HSPA14: variants seen among roughly 807,000 people sequenced by gnomAD.
The protein encoded by HSPA14 is heat shock protein family A (Hsp70) member 14.
A neutral mutation model predicts 65.5 loss-of-function variants in HSPA14; 37 were observed. The observed-to-expected ratio is 0.56, with a 90% CI of 0.43 to 0.74. The LOEUF (loss-of-function observed/expected upper bound fraction) is 0.74. Ranked by LOEUF, HSPA14 falls within the 30% of genes least tolerant of loss-of-function variation. HSPA14 has a pLI of 0.00. For synonymous variants in HSPA14, 203 were observed against 214.2 expected (o/e 0.95, Z 0.46); for missense variants, 564 against 607.6 (o/e 0.93, Z 0.75).
At position 14,842,899 on chromosome 10, in the gene HSPA14, C is replaced by T. The variant is rs1031701279; in HGVS notation, c.221+2742C>T. On this transcript the variant is annotated intron_variant, in intron 3 of 13. Transcript: ENST00000378372. This position sits in a 1 kb window ranked among gnomAD's most constrained non-coding sequence, Gnocchi z 5.2. ...GGTCCCAGAGTCTTGTGGCTCTAAACATTTAGCTGTGTCTGTTTGGATAGT... is the reference window on the plus strand; with the variant it reads ...GGTCCCAGAGTCTTGTGGCTCTAAATATTTAGCTGTGTCTGTTTGGATAGT... 3 of 1,245,664 alleles carry T rather than the reference C, an allele frequency of 2.4e-6. No individual in the cohort carries two copies. The highest frequency in any genetic ancestry group is 2.5e-5 in the Admixed American group (1 of 40,498). 77.2% of individuals were successfully genotyped at this position (1,245,664 alleles called of 1,614,324 possible). A position where few individuals can be genotyped will look rare whatever the true frequency, so the allele number is the denominator to read the frequency against.
At chr10:14,849,331 C>T (rs915009127) in intron 5 of HSPA14, 3 of 459,902 alleles carry the variant, frequency 6.5e-6, no homozygotes, top group African/African-American at 6.0e-5. Context: ...TATAAGGCTT[C>T]CTTCAGCCCT....
intron 6 of HSPA14, among the ~76,000 whole-genome samples, chr10:14,850,159 C>G (rs1389460833): frequency 6.6e-6 from 1 of 151,708 alleles, no homozygotes; most frequent in South Asian, 2.1e-4. Context: ...ATAATCTCAG[C>G]TATTCGGGAG....
chr10:14,865,619 A>G (rs1344035227), intron 10 of HSPA14, among the ~76,000 whole-genome samples: 1 of 152,196 alleles, frequency 6.6e-6, no homozygotes, highest in African/African-American at 2.4e-5. Context: ...GGTTTGTCAA[A>G]GATCAGATAG....
intron 6 of HSPA14, chr10:14,850,922 C>CT (rs1040958456): frequency 2.9e-3 from 559 of 194,970 alleles, no homozygotes; most frequent in Middle Eastern, 9.5e-3. Flanking sequence ...ATCTTTTGAA[C>CT]TTTTTTTTTT....
At chr10:14,846,212 A>G (rs1588808943) in intron 3 of HSPA14, 1 of 985,264 alleles carries the variant, frequency 1.0e-6, no homozygotes, top group Non-Finnish European at 1.2e-6. Context: ...ATGGAAAGAT[A>G]TGTGTCAATT....
chr10:14,871,423 T>G (rs1325564074), intron 13 of HSPA14, 105 bp from the exon 14 acceptor site: 1 of 677,542 alleles, frequency 1.5e-6, no homozygotes, highest in Non-Finnish European at 2.6e-6. Context: ...TTTTGAAAAT[T>G]AAAATTAACC....
At chr10:14,867,714 C>T (rs1266304529) in intron 11 of HSPA14, 22 bp from the exon 12 acceptor site, 12 of 1,600,558 alleles carry the variant, frequency 7.5e-6, no homozygotes, top group Middle Eastern at 1.7e-4. Flanking sequence ...AAAGAGTATG[C>T]ACCTTGTTTC....
intron 10 of HSPA14, among the ~76,000 whole-genome samples, chr10:14,866,451 G>C (rs1434771677): frequency 1.3e-5 from 2 of 152,138 alleles, no homozygotes; most frequent in African/African-American, 2.4e-5. Context: ...TCAATATTCT[G>C]AATGCCCATG....
At chr10:14,859,506 T>C (rs2131644369) in intron 10 of HSPA14, among the ~76,000 whole-genome samples, 1 of 152,352 alleles carries the variant, frequency 6.6e-6, no homozygotes, top group South Asian at 2.1e-4. Flanking sequence ...ATCCCTTTGT[T>C]GTCAGCTTAG....
At position 14,838,759 on chromosome 10, in the gene HSPA14, C is replaced by CG. The variant is rs567673848; in HGVS notation, c.57+307dup. 5.6e-3 allele frequency among the ~76,000 whole-genome samples: 849 copies of CG among 152,080 alleles called. 9 individuals carry two copies. Among genetic ancestry groups the CG allele is most frequent in the African/African-American group, 0.019 (793 of 41,506 alleles). The stretch of plus-strand genomic sequence containing the variant: ...AGGGACGACGTAGCTGCAGGGTGCC[C>CG]GGGGGGGTCCCGGAGACAGCGGGGC... On this transcript the variant is annotated intron_variant, in intron 1 of 13. Transcript: ENST00000378372.
In HSPA14 at chr10:14,848,850, G is replaced by A. The variant is rs750700184; in HGVS notation, c.331G>A (p.Val111Ile). The change falls in exon 5 of 14, where the codon GTT (valine) becomes ATT (isoleucine). Residue 111 changes from valine to isoleucine, a missense_variant. Physicochemically the swap from Val to Ile is conservative, Grantham distance 29. Coordinates refer to ENST00000378372, the MANE Select transcript of HSPA14 (RefSeq NM_016299.4). ...EIDTGEETKF[V>I]NPEDVARLIF... ...AGATACTGGAGAAGAAACAAAATTT[G>A]TTAACCCAGAAGATGTTGCCAGACT... 6.3e-7 allele frequency: 1 copy of A among 1,594,748 alleles called. No individual in the cohort carries two copies. The highest frequency in any genetic ancestry group is 8.6e-7 in the Non-Finnish European group (1 of 1,165,728).
intron 1 of HSPA14, among the ~76,000 whole-genome samples, chr10:14,839,674 T>C (rs941697387): frequency 2.6e-5 from 4 of 152,228 alleles, no homozygotes; most frequent in Admixed American, 1.3e-4. Context: ...TGTTATTACT[T>C]TTGATTCAAT....
chr10:14,871,589 A>C lies in HSPA14; in HGVS notation c.1513A>C (p.Ile505Leu). The C allele has an allele frequency of 6.4e-7, 1 of 1,573,958 alleles. No individual in the cohort carries two copies. Among genetic ancestry groups the C allele is most frequent in the Non-Finnish European group, 8.7e-7 (1 of 1,149,930 alleles). The change falls in exon 14 of 14, where the codon ATT becomes CTT. Residue 505 changes from isoleucine (I) to leucine (L), a missense_variant. Coordinates refer to ENST00000378372, the MANE Select transcript of HSPA14 (RefSeq NM_016299.4). ...QETGKCEAIS[I>L]EIAS ...AACTGGAAAATGTGAAGCAATCTCTATTGAGATAGCATCTTAGTGTTTTAG... is the reference window on the plus strand; with the variant it reads ...AACTGGAAAATGTGAAGCAATCTCTCTTGAGATAGCATCTTAGTGTTTTAG...
rs1476012148 is a variant in HSPA14, at chr10:14,842,424, C to CT, written c.221+2268dup. On this transcript the variant is annotated intron_variant, in intron 3 of 13. Transcript: ENST00000378372. This position sits in a 1 kb window ranked among gnomAD's most constrained non-coding sequence, Gnocchi z 5.2. ...AATGCAGATGTCTATCAGGCTGTGT[C>CT]TAAGCGAATGCAGCAGGAGGGCTTC... 1 of 1,536,056 alleles carries CT rather than the reference C, an allele frequency of 6.5e-7. No homozygotes were observed. Among genetic ancestry groups the CT allele is most frequent in the African/African-American group, 1.4e-5 (1 of 73,054 alleles).
In HSPA14 at chr10:14,848,299, AC is replaced by A. The variant is rs199688143; in HGVS notation, c.222-309del. On this transcript the variant is annotated intron_variant, in intron 3 of 13. Transcript: ENST00000378372. ...AGAATCATAGGTGTGAAACTATGAT[AC>A]AAAATCATGGATATTATGAAAAGTC... Among the ~76,000 whole-genome samples, 889 of 152,356 alleles carry A rather than the reference AC, an allele frequency of 5.8e-3. 11 individuals are homozygous for A. The highest frequency in any genetic ancestry group is 0.02 in the African/African-American group (816 of 41,578).
intron 12 of HSPA14, among the ~76,000 whole-genome samples, chr10:14,869,245 G>A (rs1216427540): frequency 3.3e-5 from 5 of 151,488 alleles, no homozygotes; most frequent in South Asian, 4.2e-4. Flanking sequence ...GTGTGTGTGT[G>A]TGTGTGTGTG....
chr10:14,852,786 A>G (rs1834118571), intron 8 of HSPA14, among the ~76,000 whole-genome samples: 1 of 152,198 alleles, frequency 6.6e-6, no homozygotes, highest in African/African-American at 2.4e-5. Context: ...ACTGAACTGC[A>G]TGAACGTAGA....
intron 3 of HSPA14, among the ~76,000 whole-genome samples, chr10:14,841,449 A>G (rs1351491458): frequency 6.6e-6 from 1 of 152,194 alleles, no homozygotes; most frequent in Non-Finnish European, 1.5e-5. Flanking sequence ...AAGAAATAAT[A>G]CAGAGACATC....
chr10:14,850,035 G>C (rs533361855), intron 6 of HSPA14, among the ~76,000 whole-genome samples: 21 of 152,072 alleles, frequency 1.4e-4, no homozygotes, highest in Admixed American at 1.2e-3. Flanking sequence ...GACACTGACG[G>C]GGGGGCGGCG....
Sources: allele counts gnomAD v4.1 joint callset (sites outside exome capture counted in the v4.1 genomes callset), GRCh38; gene constraint gnomAD v4.1.1; non-coding constraint Gnocchi (gnomAD v3.1); transcripts MANE v1.5; gene names NCBI Gene and HGNC (gene_info 2026-07-23, HGNC 2026-07-21).